Variants in FBRSL1 observed in about 807,000 individuals in gnomAD.
The protein encoded by FBRSL1 is fibrosin like 1.
FBRSL1 carries 51 observed loss-of-function variants against 89.6 expected under a neutral mutation model. That is an observed-to-expected ratio of 0.57 (90% CI 0.45 to 0.72). The LOEUF is 0.72. Ranked by LOEUF, FBRSL1 falls within the 30% of genes least tolerant of loss-of-function variation. The pLI is 0.00. For missense variants in FBRSL1, 1,618 were observed against 1,451.8 expected, an observed-to-expected ratio of 1.11 and a Z score of -1.86; for synonymous variants, 779 against 681.1, an observed-to-expected ratio of 1.14 and a Z score of -2.24.
intron 9 of FBRSL1, chr12:132,571,766 GCAT>G (rs2040030771): frequency 2.9e-6 from 1 of 348,356 alleles, no homozygotes; most frequent in African/African-American, 2.2e-5. Flanking sequence ...GTGCCCACGT[GCAT>G]GGGACACCCT....
chr12:132,583,299 C>T lies in FBRSL1; in HGVS notation c.2530C>T (p.Arg844Cys). The T allele has an allele frequency of 9.0e-7, 1 of 1,112,892 alleles. No homozygotes were observed. Among genetic ancestry groups the T allele is most frequent in the Admixed American group, 5.0e-5 (1 of 20,174 alleles). The allele number at this position is 1,112,892 out of a possible 1,614,324, so 68.9% of individuals were successfully genotyped here. A position where few individuals can be genotyped will look rare whatever the true frequency, so the allele number is the denominator to read the frequency against. Reference sequence around the variant, plus strand: ...CCTGCAGCTCGGCCTGGGCCGCGAGCGCCTGGGCGCGCCGGGCTTCGCGTG... The same window carrying T: ...CCTGCAGCTCGGCCTGGGCCGCGAGTGCCTGGGCGCGCCGGGCTTCGCGTG... ...APLQLGLGRERLGAPGFAWEP... is the reference protein window; with the variant it reads ...APLQLGLGRECLGAPGFAWEP... Residue 844 changes from arginine to cysteine, a missense_variant, in exon 19 of 19, where the codon CGC (arginine) becomes TGC (cysteine). By Grantham distance (180) the Arg-to-Cys change is radical. Transcript: ENST00000680143.
At chr12:132,515,530 C>A (rs201755610) in intron 2 of FBRSL1, among the ~76,000 whole-genome samples, 225 of 128,054 alleles carry the variant, frequency 1.8e-3, no homozygotes, top group Non-Finnish European at 1.6e-3. Context: ...CTTAAGAAAC[C>A]AAAAAAAAAA....
chr12:132,494,661 T>C (rs2031689393), intron 1 of FBRSL1, among the ~76,000 whole-genome samples: 1 of 152,238 alleles, frequency 6.6e-6, no homozygotes, highest in South Asian at 2.1e-4. Flanking sequence ...TTAATTTGCA[T>C]TTTTCAAACA....
chr12:132,535,991 G>A (rs1029461875), intron 4 of FBRSL1, among the ~76,000 whole-genome samples: 14 of 151,692 alleles, frequency 9.2e-5, no homozygotes, highest in African/African-American at 3.2e-4. Context: ...GTGAGTGCAC[G>A]TGTACATGAT....
intron 4 of FBRSL1, among the ~76,000 whole-genome samples, chr12:132,533,926 G>A (rs1449931940): frequency 6.6e-6 from 1 of 152,236 alleles, no homozygotes; most frequent in Middle Eastern, 3.2e-3. Flanking sequence ...GGGTGTCTGA[G>A]TAGGGGCAAG....
chr12:132,559,027 G>A (rs1430395987), intron 5 of FBRSL1, among the ~76,000 whole-genome samples: 2 of 152,256 alleles, frequency 1.3e-5, no homozygotes, highest in Admixed American at 6.5e-5. Flanking sequence ...ACCTGAGTGG[G>A]CGCTGGGATG....
chr12:132,542,278 G>A (rs1378791508), intron 4 of FBRSL1, among the ~76,000 whole-genome samples: 1 of 151,284 alleles, frequency 6.6e-6, no homozygotes, highest in Non-Finnish European at 1.5e-5. Context: ...GAGGACACAT[G>A]TGCACACTCA....
At chr12:132,509,891 A>G in intron 2 of FBRSL1, 2 of 1,231,240 alleles carry the variant, frequency 1.6e-6, no homozygotes, top group Non-Finnish European at 2.0e-6. Flanking sequence ...TCCTCCCAGG[A>G]CAGTGCTGCT....
rs371732785 is a variant in FBRSL1, at chr12:132,574,544, C to T, written c.1681C>T (p.Arg561Cys). 9.0e-6 allele frequency: 14 copies of T among 1,549,944 alleles called. No individual in the cohort carries two copies. Among genetic ancestry groups the T allele is most frequent in the South Asian group, 2.4e-5 (2 of 84,034 alleles). ...CGTGCAGATCGCCTGGCAGATCTAC[C>T]GTCACCAGCAGAAGATAAAGGTGAG... is the stretch of plus-strand genomic sequence containing the variant. ...VHVQIAWQIY[R>C]HQQKIKEMQL... The change falls in exon 14 of 19, where the codon CGT becomes TGT. Residue 561 changes from arginine to cysteine, a missense_variant. By Grantham distance (180) the Arg-to-Cys change is radical. Transcript: ENST00000680143.
intron 2 of FBRSL1, chr12:132,509,233 A>G (rs2034046300): frequency 8.0e-7 from 1 of 1,253,300 alleles, no homozygotes. Context: ...GCCCAGCGCC[A>G]GCAACAGCTC....
At position 132,582,140 on chromosome 12, in the gene FBRSL1, G is replaced by T. The variant is rs1210354542; in HGVS notation, c.2075G>T (p.Arg692Leu). Residue 692 changes from arginine (R) to leucine (L), a missense_variant, in exon 18 of 19, where the codon CGA becomes CTA. By Grantham distance (102) the Arg-to-Leu change is moderately radical. Transcript: ENST00000680143. ...GLPSPHEAWN[R>L]LHRAPPSFPA... ...CCCAGCCCCCATGAGGCCTGGAACC[G>T]ACTGCACCGGGCACCGCCCTCCTTC... The T allele has an allele frequency of 3.2e-6, 5 of 1,549,986 alleles. No individual in the cohort carries two copies. The highest frequency in any genetic ancestry group is 1.7e-4 in the Middle Eastern group (1 of 5,990).
intron 2 of FBRSL1, among the ~76,000 whole-genome samples, chr12:132,516,655 CTTGT>C (rs2034872574): frequency 6.6e-6 from 1 of 152,200 alleles, no homozygotes; most frequent in African/African-American, 2.4e-5. Context: ...CATGCATCAG[CTTGT>C]TTAACTGCAA....
rs1455926727 is a variant in FBRSL1 at position 132,498,471 on chromosome 12, C to A, written c.291+7610C>A. On this transcript the variant is annotated intron_variant, in intron 1 of 18. Transcript: ENST00000680143. ...GCTGCCGACCCCTCCCGGCCCCTAG[C>A]CCTCCACTCTCATCCTACAGACCCT... Among the ~76,000 whole-genome samples, 2 of 152,220 alleles carry A rather than the reference C, an allele frequency of 1.3e-5. 1 individual carries two copies. The highest frequency in any genetic ancestry group is 3.8e-4 in the East Asian group (2 of 5,196).
chr12:132,580,944 CT>C (rs746275032), intron 15 of FBRSL1: 404 of 985,338 alleles, frequency 4.1e-4, no homozygotes, highest in Non-Finnish European at 4.5e-4. Context: ...TGACGTGGTG[CT>C]GTGGGCTGGG....
At chr12:132,573,974 G>C (rs1053506062) in intron 11 of FBRSL1, 116 bp from the exon 12 acceptor site, 3 of 549,652 alleles carry the variant, frequency 5.5e-6, no homozygotes, top group Non-Finnish European at 7.3e-6. Context: ...GACAGCGTGC[G>C]GGGCCCCACG....
At chr12:132,518,451 C>T (rs35653050) in intron 2 of FBRSL1, among the ~76,000 whole-genome samples, 36,398 of 150,918 alleles carry the variant, frequency 0.24, 4,987 homozygotes, top group Non-Finnish European at 0.32. Flanking sequence ...TGTATCTCAT[C>T]CATCCATCCA....
rs754147444 is a variant in FBRSL1, at chr12:132,570,203, C to T, written c.969C>T (p.Gly323=). 1.3e-5 allele frequency: 20 copies of T among 1,504,818 alleles called. 1 individual carries two copies. In the South Asian group the frequency reaches 2.0e-4, roughly 15 times the overall value. 93.2% of individuals were successfully genotyped at this position (1,504,818 alleles called of 1,614,324 possible). ...HVPASLGAFA[G]HSQAAANGLH... is the part of the protein sequence containing the mutation. Reference sequence around the variant, plus strand: ...CTGCATCCCTGGGCGCCTTCGCGGGCCACAGCCAGGCGGCAGCCAACGGCC... The same window carrying T: ...CTGCATCCCTGGGCGCCTTCGCGGGTCACAGCCAGGCGGCAGCCAACGGCC... The change falls in exon 7 of 19, where the codon GGC becomes GGT. Residue 323 remains glycine (G), a synonymous_variant. Transcript: ENST00000680143.
intron 5 of FBRSL1, among the ~76,000 whole-genome samples, chr12:132,549,748 G>A (rs944282993): frequency 6.6e-6 from 1 of 152,154 alleles, no homozygotes; most frequent in African/African-American, 2.4e-5. Context: ...CCCCATAACT[G>A]CACGCCCCCC....
intron 2 of FBRSL1, among the ~76,000 whole-genome samples, chr12:132,514,997 G>T (rs1390170888): frequency 6.6e-6 from 1 of 152,152 alleles, no homozygotes; most frequent in Non-Finnish European, 1.5e-5. Flanking sequence ...TAGACTGGCA[G>T]CTTCTGCGCC....
Sources: allele counts gnomAD v4.1 joint callset (sites outside exome capture counted in the v4.1 genomes callset), GRCh38; gene constraint gnomAD v4.1.1; transcripts MANE v1.5; gene names NCBI Gene and HGNC (gene_info 2026-07-23, HGNC 2026-07-21).